NDUFS7: variants seen among roughly 807,000 people sequenced by gnomAD.
NDUFS7 encodes NADH dehydrogenase [ubiquinone] iron-sulfur protein 7, mitochondrial.
In NDUFS7, 11 loss-of-function variants were observed where a neutral mutation model predicts 31.1. The ratio of observed to expected loss-of-function variants is 0.35; its 90% CI spans 0.22 to 0.59. The LOEUF (loss-of-function observed/expected upper bound fraction) is 0.59. Among genes scored for constraint, NDUFS7 ranks in the 20% least tolerant of loss-of-function variants. The probability of loss-of-function intolerance (pLI) is 0.79; values close to 1 mark genes in which losing one functional copy is unlikely to be tolerated. For synonymous variants in NDUFS7, 136 were observed against 127.9 expected, an observed-to-expected ratio of 1.06 and a Z score of -0.43; for missense variants, 263 against 324.2, an observed-to-expected ratio of 0.81 and a Z score of 1.45.
intron 1 of NDUFS7, among the ~76,000 whole-genome samples, chr19:1,385,494 C>T (rs1464181929): frequency 6.6e-6 from 1 of 151,020 alleles, no homozygotes; most frequent in African/African-American, 2.5e-5. Context: ...TCCTGGGCAA[C>T]AAGAGTGAAA....
At chr19:1,389,859 A>G (rs2082542506) in intron 4 of NDUFS7, 1 of 285,140 alleles carries the variant, frequency 3.5e-6, no homozygotes, top group African/African-American at 2.2e-5. Context: ...TGGTCGAGAC[A>G]AGGATAGTTT....
At chr19:1,391,202 A>AGCGT in intron 6 of NDUFS7, 37 bp downstream of exon 6, 1 of 1,604,804 alleles carries the variant, frequency 6.2e-7, no homozygotes. Context: ...GGACAGACGT[A>AGCGT]GCGTGAGTGC....
Position 1,393,115 on chromosome 19 carries a change from G to C in NDUFS7, c.456-127G>C. On this transcript the variant is annotated intron_variant, in intron 6 of 7. Transcript: ENST00000233627. The surrounding 1 kb of genome is among the most constrained non-coding windows in gnomAD (Gnocchi z 7.3). Reference sequence around the variant, plus strand: ...GCGTGTTTGCTCATTGCTTCTCCGTGACAAGTTCCAGCCTCGTAGGTGCCT... The same window carrying C: ...GCGTGTTTGCTCATTGCTTCTCCGTCACAAGTTCCAGCCTCGTAGGTGCCT... 1 of 736,266 alleles carries C rather than the reference G, an allele frequency of 1.4e-6. No homozygotes were observed. Among genetic ancestry groups the C allele is most frequent in the Non-Finnish European group, 2.3e-6 (1 of 427,992 alleles). 45.6% of individuals were successfully genotyped at this position (736,266 alleles called of 1,614,324 possible). A position where few individuals can be genotyped will look rare whatever the true frequency, so the allele number is the denominator to read the frequency against.
chr19:1,384,083 G>A (rs1011831883), intron 1 of NDUFS7, 141 bp downstream of exon 1: 2 of 929,646 alleles, frequency 2.2e-6, no homozygotes, highest in Non-Finnish European at 3.0e-6. Context: ...GCCGCTCCTC[G>A]GGCTCCCCGC....
rs567718911 is a variant in NDUFS7, at chr19:1,387,756, C to T, written c.17-55C>T. ...GCCTGATGGGGAAGCGCCTGGAGGC[C>T]GGCCCTGCGTGCTGCCCGCAGCTCA... On this transcript the variant is annotated intron_variant, in intron 1 of 7. Coordinates refer to ENST00000233627, the MANE Select transcript of NDUFS7 (RefSeq NM_024407.5). 3.0e-4 allele frequency: 469 copies of T among 1,574,276 alleles called. 1 individual carries two copies. The highest frequency in any genetic ancestry group is 3.8e-4 in the Non-Finnish European group (433 of 1,151,288).
rs2082554082 is a variant in NDUFS7, at chr19:1,391,121, C to T, written c.411C>T (p.Val137=). The T allele has an allele frequency of 1.2e-6, 2 of 1,612,982 alleles. No homozygotes were observed. The highest frequency in any genetic ancestry group is 1.7e-6 in the Non-Finnish European group (2 of 1,179,678). The change falls in exon 6 of 8, where the codon GTC becomes GTT. Residue 137 remains valine (V), a splice_region_variant and synonymous_variant. Transcript: ENST00000233627. ...CACGGACCCCGCCTCTCTTCCAGGT[C>T]TACGACCAGATGCCGGAGCCGCGCT... ...TNKMAPALRK[V]YDQMPEPRYV... is the part of the protein sequence containing the mutation.
chr19:1,395,346 C>A (rs749565193), intron 7 of NDUFS7, 45 bp from the exon 8 acceptor site: 19 of 1,575,222 alleles, frequency 1.2e-5, no homozygotes, highest in East Asian at 2.3e-5. Context: ...CGCGGTCACG[C>A]GGGCTCCGGC....
At chr19:1,386,935 C>G (rs1051061742) in intron 1 of NDUFS7, 1 of 152,420 alleles carries the variant, frequency 6.6e-6, no homozygotes, top group Non-Finnish European at 1.5e-5. Flanking sequence ...TGGATTCTTC[C>G]TTGTGAGCCA....
intron 7 of NDUFS7, chr19:1,394,946 G>A: frequency 8.9e-7 from 1 of 1,118,090 alleles, no homozygotes; most frequent in Non-Finnish European, 1.1e-6. Context: ...GGGTCATCGG[G>A]TCCTCGTGGG....
intron 7 of NDUFS7, 21 bp from the exon 8 acceptor site, chr19:1,395,370 A>G (rs371778974): frequency 3.6e-5 from 58 of 1,593,986 alleles, no homozygotes; most frequent in Non-Finnish European, 4.6e-5. Flanking sequence ...GGGAAGCGAG[A>G]CTGAGGCAAG....
chr19:1,394,056 G>A (rs2144625587), intron 7 of NDUFS7: 1 of 293,948 alleles, frequency 3.4e-6, no homozygotes, highest in Non-Finnish European at 6.7e-6. Context: ...ACAGAGTCCT[G>A]TTCTTGGCCA....
intron 1 of NDUFS7, among the ~76,000 whole-genome samples, chr19:1,387,455 G>T (rs1412243869): frequency 6.6e-6 from 1 of 152,144 alleles, no homozygotes; most frequent in Non-Finnish European, 1.5e-5. Context: ...AGTGTGAGGC[G>T]GGGTGTCCCC....
rs931713729 is a variant in NDUFS7 at position 1,393,008 on chromosome 19, G to A, written c.456-234G>A. 9 of 593,058 alleles carry A rather than the reference G, an allele frequency of 1.5e-5. No homozygotes were observed. Among genetic ancestry groups the A allele is most frequent in the South Asian group, 3.9e-5 (2 of 50,756 alleles). 36.7% of individuals were successfully genotyped at this position (593,058 alleles called of 1,614,324 possible). A position where few individuals can be genotyped will look rare whatever the true frequency, so the allele number is the denominator to read the frequency against. ...GGAATCGGTGGTCAGGAGCCCCCTC[G>A]GGAGGGGAGCACTTTTCCCCGAGTT... On this transcript the variant is annotated intron_variant, in intron 6 of 7. Transcript: ENST00000233627. This position sits in a 1 kb window ranked among gnomAD's most constrained non-coding sequence, Gnocchi z 7.3.
chr19:1,391,257 C>T (rs2144620756), intron 6 of NDUFS7, 92 bp downstream of exon 6: 3 of 1,477,192 alleles, frequency 2.0e-6, no homozygotes, highest in Non-Finnish European at 2.8e-6. Context: ...GTGTCATCTA[C>T]ATTCAGTGAA....
intron 4 of NDUFS7, chr19:1,389,476 C>A (rs1165036006): frequency 4.4e-6 from 2 of 457,608 alleles, no homozygotes; most frequent in East Asian, 6.9e-5. Flanking sequence ...GGCCTGGTGG[C>A]CTGTGGTTCC....
Position 1,394,461 on chromosome 19 carries a change from C to T in NDUFS7, c.545-930C>T, listed in dbSNP as rs781214662. On this transcript the variant is annotated intron_variant, in intron 7 of 7. Coordinates refer to ENST00000233627, the MANE Select transcript of NDUFS7 (RefSeq NM_024407.5). ...TGGGGACCGCGCTCCTCCCTCCCTGCGGACTGTGCTCCCTGTCTGGGGACT... is the reference window on the plus strand; with the variant it reads ...TGGGGACCGCGCTCCTCCCTCCCTGTGGACTGTGCTCCCTGTCTGGGGACT... 37 of 1,269,092 alleles carry T rather than the reference C, an allele frequency of 2.9e-5. 1 individual carries two copies. The East Asian group carries it at 4.2e-4, about 14-fold the overall frequency. 78.6% of individuals were successfully genotyped at this position (1,269,092 alleles called of 1,614,324 possible). A position where few individuals can be genotyped will look rare whatever the true frequency, so the allele number is the denominator to read the frequency against.
chr19:1,394,540 C>T, intron 7 of NDUFS7: 1 of 1,251,022 alleles, frequency 8.0e-7, no homozygotes. Context: ...GCGGACCGCG[C>T]TCCTCCCTCC....
intron 4 of NDUFS7, chr19:1,389,710 C>A: frequency 2.8e-6 from 1 of 352,548 alleles, no homozygotes; most frequent in Non-Finnish European, 5.7e-6. Context: ...AGCGTGAGCA[C>A]GTGCAGCTCC....
intron 7 of NDUFS7, chr19:1,394,124 T>G: frequency 3.0e-6 from 1 of 336,774 alleles, no homozygotes; most frequent in Non-Finnish European, 5.9e-6. Flanking sequence ...GAGTCCCGAG[T>G]CTGGGGGTTT....
Sources: allele counts gnomAD v4.1 joint callset (sites outside exome capture counted in the v4.1 genomes callset), GRCh38; gene constraint gnomAD v4.1.1; non-coding constraint Gnocchi (gnomAD v3.1); transcripts MANE v1.5; gene names NCBI Gene and HGNC (gene_info 2026-07-23, HGNC 2026-07-21).